ADGRD1: variants seen among roughly 807,000 people sequenced by gnomAD.
ADGRD1 encodes G-protein coupled receptor 133.
ADGRD1 carries 77 observed loss-of-function variants against 113.4 expected under a neutral mutation model. That is an observed-to-expected ratio of 0.68 (90% CI 0.57 to 0.82). The LOEUF is 0.82. ADGRD1 is among the 40% of genes least tolerant of loss of function. The pLI is 0.00. For synonymous variants in ADGRD1, 474 were observed against 475.0 expected, an observed-to-expected ratio of 1.00 and a Z score of 0.03; for missense variants, 1,036 against 1,139.1, an observed-to-expected ratio of 0.91 and a Z score of 1.30.
At chr12:130,959,762 A>G (rs1870127052) in intron 2 of ADGRD1, among the ~76,000 whole-genome samples, 2 of 152,154 alleles carry the variant, frequency 1.3e-5, no homozygotes, top group Admixed American at 1.3e-4. Context: ...GATCTTTACC[A>G]TGTAGAGAGG....
Position 131,050,401 on chromosome 12 carries a change from T to C in ADGRD1, c.1474-26400T>C, listed in dbSNP as rs1183748530. ...GCCACTCGTGTGTTGCCCTGTGTGT[T>C]AGTCTGTTCATTGCTATAAGAAATA... On this transcript the variant is annotated intron_variant, in intron 13 of 24. Coordinates refer to ENST00000261654, the MANE Select transcript of ADGRD1 (RefSeq NM_198827.5). The surrounding 1 kb of genome is among the most constrained non-coding windows in gnomAD (Gnocchi z 4.8). Among the ~76,000 whole-genome samples, 2 of 152,154 alleles carry C rather than the reference T, an allele frequency of 1.3e-5. No homozygotes were observed. The highest frequency in any genetic ancestry group is 2.4e-5 in the African/African-American group (1 of 41,436).
intron 8 of ADGRD1, among the ~76,000 whole-genome samples, chr12:130,996,773 AG>A (rs1875470256): frequency 2.3e-5 from 2 of 86,698 alleles, no homozygotes; most frequent in African/African-American, 9.0e-5. Flanking sequence ...ACTTCCCAGT[AG>A]GGGTGGCCGG....
rs181802616 is a variant in ADGRD1 at position 131,057,026 on chromosome 12, G to T, written c.1474-19775G>T. Among the ~76,000 whole-genome samples, 3 of 152,176 alleles carry T rather than the reference G, an allele frequency of 2.0e-5. No homozygotes were observed. The highest frequency in any genetic ancestry group is 7.2e-5 in the African/African-American group (3 of 41,422). On this transcript the variant is annotated intron_variant, in intron 13 of 24. Coordinates refer to ENST00000261654, the MANE Select transcript of ADGRD1 (RefSeq NM_198827.5). This position sits in a 1 kb window ranked among gnomAD's most constrained non-coding sequence, Gnocchi z 4.2. ...ATGAGATTTAGGATGCTGGGAAGGA[G>T]GGGGAGGATAATTACTAATTATGGT... is the stretch of plus-strand genomic sequence containing the variant.
rs1178105297 is a variant in ADGRD1 at position 131,075,234 on chromosome 12, G to T, written c.1474-1567G>T. On this transcript the variant is annotated intron_variant, in intron 13 of 24. Coordinates refer to ENST00000261654, the MANE Select transcript of ADGRD1 (RefSeq NM_198827.5). The surrounding 1 kb of genome is among the most constrained non-coding windows in gnomAD (Gnocchi z 5.3). ...GCTGTCTGCTGGAGGCTTTGGCCCTGGTGTAGCCTGGGCCCAAGGAAGCCT... is the reference window on the plus strand; with the variant it reads ...GCTGTCTGCTGGAGGCTTTGGCCCTTGTGTAGCCTGGGCCCAAGGAAGCCT... 6.6e-6 allele frequency among the ~76,000 whole-genome samples: 1 copy of T among 152,264 alleles called. No individual in the cohort carries two copies. The highest frequency in any genetic ancestry group is 1.9e-4 in the East Asian group (1 of 5,184).
intron 12 of ADGRD1, among the ~76,000 whole-genome samples, chr12:131,007,149 G>A (rs1360419902): frequency 1.3e-5 from 2 of 152,230 alleles, no homozygotes; most frequent in Non-Finnish European, 2.9e-5. Flanking sequence ...TCACAAAGGC[G>A]GGAGGATTGC....
chr12:130,992,379 T>C lies in ADGRD1; in HGVS notation c.953T>C (p.Leu318Ser). 2.5e-6 allele frequency: 4 copies of C among 1,613,366 alleles called. No homozygotes were observed. Among genetic ancestry groups the C allele is most frequent in the Non-Finnish European group, 2.5e-6 (3 of 1,179,716 alleles). ...PSKSLSEQTA[L>S]NLTKTFLKAV... ...AAGTCCCTCTCGGAGCAGACAGCCT[T>C]GAATCTCACCAAGGTAAGGCTATTT... is the stretch of plus-strand genomic sequence containing the variant. Residue 318 changes from leucine to serine, a missense_variant, in exon 8 of 25, where the codon TTG (leucine) becomes TCG (serine). Transcript: ENST00000261654.
intron 13 of ADGRD1, among the ~76,000 whole-genome samples, chr12:131,017,671 AAC>A (rs1203277765): frequency 1.4e-5 from 2 of 138,734 alleles, no homozygotes; most frequent in African/African-American, 2.8e-5. Flanking sequence ...CAGATACACC[AAC>A]ACAGACACAA....
chr12:130,969,640 A>C (rs1396303348), intron 3 of ADGRD1: 2 of 152,660 alleles, frequency 1.3e-5, no homozygotes, highest in African/African-American at 2.4e-5. Flanking sequence ...TGAGTTGTAC[A>C]ATTATTTCAT....
At chr12:130,957,848 G>A (rs1053246625) in intron 2 of ADGRD1, 1 of 152,284 alleles carries the variant, frequency 6.6e-6, no homozygotes, top group Non-Finnish European at 1.5e-5. Context: ...AAACCGCAAG[G>A]TTTCTCTCTC....
Position 131,139,435 on chromosome 12 carries a change from C to G in ADGRD1, c.*172C>G, listed in dbSNP as rs1057046287. On this transcript the variant is annotated 3_prime_UTR_variant, in exon 25 of 25. Transcript: ENST00000261654. ...ACTCTGGCTGTCGGAGCACACTGCT[C>G]AGCCCAGCAGCCTGATGCCCAGGCC... 1 of 591,454 alleles carries G rather than the reference C, an allele frequency of 1.7e-6. No individual in the cohort carries two copies. The highest frequency in any genetic ancestry group is 3.0e-6 in the Non-Finnish European group (1 of 327,904). 36.6% of individuals were successfully genotyped at this position (591,454 alleles called of 1,614,324 possible).
chr12:130,980,008 C>A (rs564338418), intron 4 of ADGRD1, among the ~76,000 whole-genome samples: 13 of 152,340 alleles, frequency 8.5e-5, no homozygotes, highest in Admixed American at 3.3e-4. Flanking sequence ...CTGACTTCCC[C>A]TTCAGCAGAG....
intron 20 of ADGRD1, among the ~76,000 whole-genome samples, chr12:131,121,580 G>T (rs775905118): frequency 2.6e-5 from 4 of 152,096 alleles, no homozygotes; most frequent in Non-Finnish European, 5.9e-5. Flanking sequence ...GGGTTTCACC[G>T]TGTTGGCCAG....
chr12:131,129,724 G>T (rs1950862209), intron 20 of ADGRD1, among the ~76,000 whole-genome samples: 1 of 152,230 alleles, frequency 6.6e-6, no homozygotes, highest in South Asian at 2.1e-4. Context: ...AAAATAGTCG[G>T]AATTCTAGAA....
chr12:130,957,417 C>T (rs1205478813), intron 2 of ADGRD1: 1 of 131,644 alleles, frequency 7.6e-6, no homozygotes, highest in African/African-American at 2.6e-5. Flanking sequence ...ACCCCACACA[C>T]GTCCACACAC....
chr12:131,123,271 C>T (rs1461196147), intron 20 of ADGRD1, among the ~76,000 whole-genome samples: 1 of 151,270 alleles, frequency 6.6e-6, no homozygotes, highest in Non-Finnish European at 1.5e-5. Context: ...TCTCTAACTC[C>T]TGACCTCAGG....
At chr12:131,071,567 G>T (rs1181477888) in intron 13 of ADGRD1, among the ~76,000 whole-genome samples, 4 of 152,196 alleles carry the variant, frequency 2.6e-5, no homozygotes, top group African/African-American at 9.7e-5. Context: ...GGACACTCAG[G>T]ACCTCTTTCC....
chr12:131,039,201 G>T (rs1881860711), intron 13 of ADGRD1, among the ~76,000 whole-genome samples: 1 of 113,900 alleles, frequency 8.8e-6, no homozygotes, highest in Non-Finnish European at 2.1e-5. Flanking sequence ...TGCCCACTGA[G>T]CCGGGACGGT....
At chr12:131,014,723 A>G (rs1346494750) in intron 13 of ADGRD1, among the ~76,000 whole-genome samples, 1 of 152,202 alleles carries the variant, frequency 6.6e-6, no homozygotes, top group Non-Finnish European at 1.5e-5. Context: ...GTGTTCTGTT[A>G]GAGAGAAACA....
chr12:130,954,598 C>T lies in ADGRD1; in HGVS notation c.67-26C>T, dbSNP rs1869289240. ...CTCCGGAGGCTTTCCCTGAGTGTGT[C>T]TCACACTGTGGTCTTTTGTGCGCAG... is the stretch of plus-strand genomic sequence containing the variant. On this transcript the variant is annotated intron_variant, in intron 1 of 24. Coordinates refer to ENST00000261654, the MANE Select transcript of ADGRD1 (RefSeq NM_198827.5). This position sits in a 1 kb window ranked among gnomAD's most constrained non-coding sequence, Gnocchi z 4.7. 1 of 1,613,426 alleles carries T rather than the reference C, an allele frequency of 6.2e-7. No homozygotes were observed. The highest frequency in any genetic ancestry group is 8.5e-7 in the Non-Finnish European group (1 of 1,179,358).
Sources: gnomAD v4.1 joint callset for allele counts (sites outside exome capture counted in the v4.1 genomes callset) on GRCh38, gnomAD v4.1.1 for gene constraint, Gnocchi (gnomAD v3.1) non-coding constraint, MANE v1.5 for transcripts, NCBI Gene and HGNC (gene_info 2026-07-23, HGNC 2026-07-21) for gene names.